Variants in U2AF2 observed in about 807,000 individuals in gnomAD.
U2AF2 encodes splicing factor U2AF 65 kDa subunit.
A neutral mutation model predicts 52.6 loss-of-function variants in U2AF2; 6 were observed. The ratio of observed to expected loss-of-function variants is 0.11; its 90% confidence interval spans 0.06 to 0.23. U2AF2 has a LOEUF of 0.23. Among genes scored for constraint, U2AF2 ranks in the 10% least tolerant of loss-of-function variants. The probability of loss-of-function intolerance (pLI) is 1.00; values close to 1 mark genes in which losing one functional copy is unlikely to be tolerated. For synonymous variants in U2AF2, 284 were observed against 258.2 expected, an observed-to-expected ratio of 1.10 and a Z score of -0.96; for missense variants, 222 against 677.1, an observed-to-expected ratio of 0.33 and a Z score of 7.46.
Position 55,672,944 on chromosome 19 carries a change from A to G in U2AF2, c.1294-990A>G, listed in dbSNP as rs534797431. On this transcript the variant is annotated intron_variant, in intron 11 of 11. Coordinates refer to ENST00000308924, the MANE Select transcript of U2AF2 (RefSeq NM_007279.3). ...AGGCGTGAGCCACCGCGCCCGGCCA[A>G]TAATTTTTTTTTTTTTGAGACGGAG... Among the ~76,000 whole-genome samples the G allele has an allele frequency of 1.9e-3, 284 of 150,856 alleles. 1 individual carries two copies. Among genetic ancestry groups the G allele is most frequent in the African/African-American group, 6.6e-3 (270 of 41,178 alleles).
chr19:55,659,029 C>A, intron 1 of U2AF2, 181 bp from the exon 2 acceptor site: 1 of 1,005,754 alleles, frequency 9.9e-7, no homozygotes, highest in Non-Finnish European at 1.3e-6. Context: ...CCCTGGTCCC[C>A]TCATGGTCCC....
chr19:55,668,436 G>C lies in U2AF2; in HGVS notation c.743-71G>C. On this transcript the variant is annotated intron_variant, in intron 7 of 11. Transcript: ENST00000308924. This position sits in a 1 kb window ranked among gnomAD's most constrained non-coding sequence, Gnocchi z 5.5. ...GTTCTCTTTGGCAATTGAGGAGCTCGCCGTAGACTGTCCAGGTTTTGGGAG... is the reference window on the plus strand; with the variant it reads ...GTTCTCTTTGGCAATTGAGGAGCTCCCCGTAGACTGTCCAGGTTTTGGGAG... 1 of 1,446,952 alleles carries C rather than the reference G, an allele frequency of 6.9e-7. No individual in the cohort carries two copies. 89.6% of individuals were successfully genotyped at this position (1,446,952 alleles called of 1,614,324 possible).
intron 7 of U2AF2, 165 bp downstream of exon 7, chr19:55,663,909 C>T (rs1984378213): frequency 1.9e-6 from 2 of 1,037,144 alleles, no homozygotes; most frequent in Non-Finnish European, 2.7e-6. Flanking sequence ...GGGTGCTCTC[C>T]TGCTGGTAGA....
chr19:55,672,157 G>A (rs991648205), intron 11 of U2AF2: 5 of 151,326 alleles, frequency 3.3e-5, no homozygotes, highest in Admixed American at 2.0e-4. Flanking sequence ...TTACTGCATT[G>A]TATTGTTTTA....
In U2AF2 at chr19:55,668,922, G is replaced by A. The variant is rs1248783765; in HGVS notation, c.945+130G>A. ...ACCTGAGGCAGTGCCCTGTGTGTGG[G>A]CTCGTCCCTGTCCCATGGCGTTGGC... On this transcript the variant is annotated intron_variant, in intron 9 of 11. Transcript: ENST00000308924. This position sits in a 1 kb window ranked among gnomAD's most constrained non-coding sequence, Gnocchi z 5.5. 1.3e-5 allele frequency: 20 copies of A among 1,508,804 alleles called. No individual in the cohort carries two copies. The highest frequency in any genetic ancestry group is 1.8e-5 in the Non-Finnish European group (20 of 1,121,292). The allele number at this position is 1,508,804 out of a possible 1,614,324, so 93.5% of individuals were successfully genotyped here.
At chr19:55,660,385 T>C (rs1401837138) in intron 3 of U2AF2, 131 bp from the exon 4 acceptor site, 2 of 1,090,660 alleles carry the variant, frequency 1.8e-6, no homozygotes, top group African/African-American at 3.1e-5. Flanking sequence ...CCAGACCCTC[T>C]CCTTCCCTGG....
intron 7 of U2AF2, chr19:55,663,947 C>G (rs1195643806): frequency 1.5e-6 from 1 of 669,586 alleles, no homozygotes; most frequent in Non-Finnish European, 2.4e-6. Flanking sequence ...GGAGAATGAG[C>G]TGTCACCTGC....
At chr19:55,662,291 C>T in intron 5 of U2AF2, 1 of 468,720 alleles carries the variant, frequency 2.1e-6, no homozygotes, top group South Asian at 3.8e-5. Flanking sequence ...TCTCTTGCTA[C>T]TGCTTCCTCC....
intron 1 of U2AF2, 84 bp downstream of exon 1, chr19:55,655,237 C>A: frequency 1.4e-6 from 2 of 1,456,146 alleles, no homozygotes; most frequent in South Asian, 2.4e-5. Context: ...TCCCTCGCTT[C>A]CCCCCACTTC....
intron 11 of U2AF2, among the ~76,000 whole-genome samples, chr19:55,672,973 C>T (rs1172090287): frequency 4.7e-5 from 7 of 148,932 alleles, no homozygotes; most frequent in Non-Finnish European, 7.4e-5. Context: ...GACGGAGCCT[C>T]ACTCTGTCAC....
At chr19:55,660,961 A>G (rs1984149091) in intron 4 of U2AF2, 77 bp from the exon 5 acceptor site, 5 of 1,496,010 alleles carry the variant, frequency 3.3e-6, no homozygotes, top group Non-Finnish European at 3.6e-6. Flanking sequence ...GAGGAGGGGA[A>G]CTCCCAGTGT....
intron 4 of U2AF2, 83 bp from the exon 5 acceptor site, chr19:55,660,955 A>G: frequency 2.0e-6 from 3 of 1,494,922 alleles, no homozygotes; most frequent in Non-Finnish European, 2.7e-6. Context: ...TCTGCTGAGG[A>G]GGGGAACTCC....
chr19:55,657,519 C>T (rs1275016070), intron 1 of U2AF2, among the ~76,000 whole-genome samples: 3 of 152,196 alleles, frequency 2.0e-5, no homozygotes, highest in African/African-American at 7.2e-5. Flanking sequence ...TGCCTGCTTG[C>T]CTGTTTCAGA....
At position 55,655,063 on chromosome 19, in the gene U2AF2, G is replaced by T. The variant is rs772717717; in HGVS notation, c.-42G>T. On this transcript the variant is annotated 5_prime_UTR_variant, in exon 1 of 12. Coordinates refer to ENST00000308924, the MANE Select transcript of U2AF2 (RefSeq NM_007279.3). ...CGAAGCGGCTGGAGCGGGCGGCAAG[G>T]CGAGGCGAAAGCTGCACAGGGCCCT... 6.2e-7 allele frequency: 1 copy of T among 1,603,784 alleles called. No homozygotes were observed. Among genetic ancestry groups the T allele is most frequent in the Non-Finnish European group, 8.5e-7 (1 of 1,176,964 alleles).
chr19:55,665,507 C>T (rs1429373744), intron 7 of U2AF2, among the ~76,000 whole-genome samples: 2 of 135,792 alleles, frequency 1.5e-5, no homozygotes, highest in Non-Finnish European at 3.2e-5. Context: ...TGGCGCTGTC[C>T]TAAGTGCCCT....
At chr19:55,658,306 C>G (rs555869840) in intron 1 of U2AF2, among the ~76,000 whole-genome samples, 1 of 149,728 alleles carries the variant, frequency 6.7e-6, no homozygotes, top group African/African-American at 2.5e-5. Flanking sequence ...CCCGCCCCCC[C>G]ATGCTCATGG....
At chr19:55,663,566 C>T (rs768205878) in intron 6 of U2AF2, 40 bp from the exon 7 acceptor site, 6 of 1,605,286 alleles carry the variant, frequency 3.7e-6, no homozygotes, top group Non-Finnish European at 5.1e-6. Flanking sequence ...GTACTAGTCC[C>T]TGACCCCCAT....
At chr19:55,655,787 T>C (rs1478394174) in intron 1 of U2AF2, among the ~76,000 whole-genome samples, 1 of 152,234 alleles carries the variant, frequency 6.6e-6, no homozygotes, top group Non-Finnish European at 1.5e-5. Flanking sequence ...GGGCGCCTCA[T>C]ATTAACGTGT....
intron 5 of U2AF2, 163 bp downstream of exon 5, chr19:55,661,352 G>A (rs1984177882): frequency 2.7e-6 from 2 of 743,630 alleles, no homozygotes; most frequent in Non-Finnish European, 3.9e-6. Flanking sequence ...GCCAGGGGCC[G>A]GGCTGGGGGT....
Sources: gnomAD v4.1 joint callset for allele counts (sites outside exome capture counted in the v4.1 genomes callset) on GRCh38, gnomAD v4.1.1 for gene constraint, Gnocchi (gnomAD v3.1) non-coding constraint, MANE v1.5 for transcripts, NCBI Gene and HGNC (gene_info 2026-07-23, HGNC 2026-07-21) for gene names.